The following ZNF445 variants were observed in gnomAD, a reference collection of about 807,000 sequenced individuals.
The protein encoded by ZNF445 is zinc finger protein 168.
In ZNF445, 19 loss-of-function variants were observed where a neutral mutation model predicts 93.9. The ratio of observed to expected loss-of-function variants is 0.20; its 90% CI spans 0.14 to 0.30. The LOEUF is 0.30. ZNF445 is among the 10% of genes least tolerant of loss of function. The pLI is 1.00. For synonymous variants in ZNF445, 449 were observed against 446.3 expected (o/e 1.01, Z -0.08); for missense variants, 1,058 against 1,259.4 (o/e 0.84, Z 2.42).
rs1697561239 is a variant in ZNF445, at chr3:44,432,052, C to T, written c.*14523G>A. ...CTGGGATTACAGGCATGAGCCACTG[C>T]ACGTGGCTACATGTTTTGTATTTTT... On this transcript the variant is annotated 3_prime_UTR_variant, in exon 8 of 8. Transcript: ENST00000396077. 1 of 152,122 alleles carries T rather than the reference C, an allele frequency of 6.6e-6. No homozygotes were observed. The highest frequency in any genetic ancestry group is 1.5e-5 in the Non-Finnish European group (1 of 68,042). The allele number at this position is 152,122 out of a possible 1,614,324, so 9.4% of individuals were successfully genotyped here. A position where few individuals can be genotyped will look rare whatever the true frequency, so the allele number is the denominator to read the frequency against.
intron 1 of ZNF445, among the ~76,000 whole-genome samples, chr3:44,466,649 A>C (rs945810432): frequency 1.3e-5 from 2 of 152,110 alleles, no homozygotes; most frequent in African/African-American, 4.8e-5. Flanking sequence ...CAATTGTCTC[A>C]TTTTGGTCCT....
chr3:44,441,802 T>C lies in ZNF445; in HGVS notation c.*4773A>G, dbSNP rs144130499. ...GAAGGCCCCATGTACCCTCCCCAAATCCATCAGGTCTCCTGCCTTAGGAAG... is the reference window on the plus strand; with the variant it reads ...GAAGGCCCCATGTACCCTCCCCAAACCCATCAGGTCTCCTGCCTTAGGAAG... On this transcript the variant is annotated 3_prime_UTR_variant, in exon 8 of 8. Coordinates refer to ENST00000396077, the MANE Select transcript of ZNF445 (RefSeq NM_181489.6). The C allele has an allele frequency of 3.9e-5, 6 of 152,228 alleles. No homozygotes were observed. Among genetic ancestry groups the C allele is most frequent in the African/African-American group, 1.4e-4 (6 of 41,540 alleles). 9.4% of individuals were successfully genotyped at this position (152,228 alleles called of 1,614,324 possible).
rs776877909 is a variant in ZNF445, at chr3:44,476,209, C to T, written c.-269+1382G>A. On this transcript the variant is annotated intron_variant, in intron 1 of 7. Coordinates refer to ENST00000396077, the MANE Select transcript of ZNF445 (RefSeq NM_181489.6). ...TTTACTATAGTTTACTCTCTGACAT[C>T]GTAGACTGCTTATGCACTAATTCTT... Among the ~76,000 whole-genome samples the T allele has an allele frequency of 9.2e-5, 14 of 152,222 alleles. 1 individual carries two copies. In the South Asian group the frequency reaches 1.9e-3, roughly 20 times the overall value.
rs934807469 is a variant in ZNF445, at chr3:44,435,311, A to G, written c.*11264T>C. 21 of 152,108 alleles carry G rather than the reference A, an allele frequency of 1.4e-4. No individual in the cohort carries two copies. Among genetic ancestry groups the G allele is most frequent in the African/African-American group, 5.1e-4 (21 of 41,414 alleles). The allele number at this position is 152,108 out of a possible 1,614,324, so 9.4% of individuals were successfully genotyped here. ...AATTCTTCTCTCTTTTGCAAAACCC[A>G]TGTCACAGTGATTGATTTACTGTGT... On this transcript the variant is annotated 3_prime_UTR_variant, in exon 8 of 8. Transcript: ENST00000396077.
At chr3:44,450,390 C>T (rs1261906786) in intron 6 of ZNF445, 57 bp downstream of exon 6, 3 of 1,611,780 alleles carry the variant, frequency 1.9e-6, no homozygotes, top group Non-Finnish European at 2.5e-6. Context: ...CAGCACAGAA[C>T]AACCCAAGAA....
rs1697850797 is a variant in ZNF445 at position 44,444,233 on chromosome 3, TA to T, written c.*2341del. The T allele has an allele frequency of 6.6e-6, 1 of 152,246 alleles. No individual in the cohort carries two copies. The highest frequency in any genetic ancestry group is 1.5e-5 in the Non-Finnish European group (1 of 68,078). The allele number at this position is 152,246 out of a possible 1,614,324, so 9.4% of individuals were successfully genotyped here. ...AGCAGAGATGGGGGGAAAGGGGTGC[TA>T]AAAGTTTGATTGGAAAGGGACTTTT... On this transcript the variant is annotated 3_prime_UTR_variant, in exon 8 of 8. Transcript: ENST00000396077.
chr3:44,469,043 A>G (rs931816390), intron 1 of ZNF445, among the ~76,000 whole-genome samples: 223 of 151,836 alleles, frequency 1.5e-3, no homozygotes, highest in Non-Finnish European at 1.5e-3. Flanking sequence ...CTGTCTCAAA[A>G]AAAAAAAAAA....
In ZNF445 at chr3:44,455,385, G is replaced by A. The variant is rs138261394; in HGVS notation, c.165C>T (p.Arg55=). The A allele has an allele frequency of 6.2e-7, 1 of 1,614,196 alleles. No homozygotes were observed. Among genetic ancestry groups the A allele is most frequent in the South Asian group, 1.1e-5 (1 of 91,088 alleles). Reference sequence around the variant, plus strand: ...GGTAGCGAAGCTGTCTGAAGAGCTGGCGGAACAGCTCCTGGCCAGGGCGGT... The same window carrying A: ...GGTAGCGAAGCTGTCTGAAGAGCTGACGGAACAGCTCCTGGCCAGGGCGGT... ...TLNRPGQELF[R]QLFRQLRYHE... Residue 55 remains arginine (R), a synonymous_variant, in exon 3 of 8, where the codon CGC becomes CGT. Transcript: ENST00000396077.
chr3:44,432,543 T>C lies in ZNF445; in HGVS notation c.*14032A>G, dbSNP rs1697579646. On this transcript the variant is annotated 3_prime_UTR_variant, in exon 8 of 8. Coordinates refer to ENST00000396077, the MANE Select transcript of ZNF445 (RefSeq NM_181489.6). ...ATTCTCTCTTGCCTGAGAGAGAGTC[T>C]GGGGCAGCCAGACTTTATGTTCTCC... The C allele has an allele frequency of 6.6e-6, 1 of 151,592 alleles. No homozygotes were observed. Among genetic ancestry groups the C allele is most frequent in the African/African-American group, 2.4e-5 (1 of 41,220 alleles). 9.4% of individuals were successfully genotyped at this position (151,592 alleles called of 1,614,324 possible).
At position 44,448,363 on chromosome 3, in the gene ZNF445, C is replaced by T. The variant is rs1204032087; in HGVS notation, c.1308G>A (p.Gly436=). The T allele has an allele frequency of 6.2e-7, 1 of 1,614,198 alleles. No individual in the cohort carries two copies. Among genetic ancestry groups the T allele is most frequent in the African/African-American group, 1.3e-5 (1 of 75,034 alleles). Residue 436 remains glycine (G), a synonymous_variant, in exon 8 of 8, where the codon GGG becomes GGA. Coordinates refer to ENST00000396077, the MANE Select transcript of ZNF445 (RefSeq NM_181489.6). The part of the protein sequence containing the change: ...HHYDYKKYGK[G]LRHMIGGFSL... ...TGAAGCCCCCAATCATGTGTCTGAG[C>T]CCCTTCCCATATTTCTTGTAGTCAT...
In ZNF445 at chr3:44,446,376, G is replaced by T; in HGVS notation, c.*199C>A. On this transcript the variant is annotated 3_prime_UTR_variant, in exon 8 of 8. Transcript: ENST00000396077. The surrounding 1 kb of genome is among the most constrained non-coding windows in gnomAD (Gnocchi z 4.2). ...CTCCAGAAGGGCTCCAAAGGACATG[G>T]TGCTGCACTTCCCCAGCGTCACATC... 1.4e-6 allele frequency: 1 copy of T among 710,282 alleles called. No homozygotes were observed. The highest frequency in any genetic ancestry group is 2.3e-6 in the Non-Finnish European group (1 of 442,014). The allele number at this position is 710,282 out of a possible 1,614,324, so 44.0% of individuals were successfully genotyped here.
rs1223125868 is a variant in ZNF445, at chr3:44,437,280, C to A, written c.*9295G>T. 8 of 152,164 alleles carry A rather than the reference C, an allele frequency of 5.3e-5. No individual in the cohort carries two copies. Among genetic ancestry groups the A allele is most frequent in the Admixed American group, 1.3e-4 (2 of 15,274 alleles). 9.4% of individuals were successfully genotyped at this position (152,164 alleles called of 1,614,324 possible). A position where few individuals can be genotyped will look rare whatever the true frequency, so the allele number is the denominator to read the frequency against. ...GTTTTAGCTGGCTTCTTTACTGCAA[C>A]CTGCTTTATCAGCAAGGTCTTTGTG... is the stretch of plus-strand genomic sequence containing the variant. On this transcript the variant is annotated 3_prime_UTR_variant, in exon 8 of 8. Transcript: ENST00000396077.
chr3:44,437,392 TCA>T lies in ZNF445; in HGVS notation c.*9181_*9182del, dbSNP rs903414200. The T allele has an allele frequency of 6.1e-4, 93 of 152,246 alleles. No homozygotes were observed. Among genetic ancestry groups the T allele is most frequent in the African/African-American group, 2.1e-3 (88 of 41,528 alleles). 9.4% of individuals were successfully genotyped at this position (152,246 alleles called of 1,614,324 possible). ...GAATGCAGCCCAGTAGGTCTCAGCC[TCA>T]TTTTGTTACAGGAAAGGGGTCCCGA... On this transcript the variant is annotated 3_prime_UTR_variant, in exon 8 of 8. Coordinates refer to ENST00000396077, the MANE Select transcript of ZNF445 (RefSeq NM_181489.6).
At chr3:44,452,982 C>T (rs1016558035) in intron 3 of ZNF445, among the ~76,000 whole-genome samples, 3 of 148,190 alleles carry the variant, frequency 2.0e-5, no homozygotes, top group African/African-American at 7.5e-5. Flanking sequence ...GGCGTGATCT[C>T]GGCTCACTGA....
rs148056387 is a variant in ZNF445, at chr3:44,440,913, AT to A, written c.*5661del. The A allele has an allele frequency of 0.029, 3,854 of 131,256 alleles. 87 individuals carry two copies. The highest frequency in any genetic ancestry group is 0.096 in the African/African-American group (3,393 of 35,478). The allele number at this position is 131,256 out of a possible 1,614,324, so 8.1% of individuals were successfully genotyped here. The stretch of plus-strand genomic sequence containing the variant: ...TGTTACTTCCTGATGTTGCCATGGC[AT>A]TTTTTTTTTTTTTTTTTGAGACAGA... On this transcript the variant is annotated 3_prime_UTR_variant, in exon 8 of 8. Coordinates refer to ENST00000396077, the MANE Select transcript of ZNF445 (RefSeq NM_181489.6).
At chr3:44,455,728 A>G (rs1698019815) in intron 2 of ZNF445, 32 bp from the exon 3 acceptor site, 2 of 603,794 alleles carry the variant, frequency 3.3e-6, no homozygotes, top group Admixed American at 3.4e-5. Context: ...AATAATGTCC[A>G]TTATACATGG....
chr3:44,476,756 T>C (rs2125687767), intron 1 of ZNF445, among the ~76,000 whole-genome samples: 1 of 152,336 alleles, frequency 6.6e-6, no homozygotes, highest in South Asian at 2.1e-4. Flanking sequence ...CTGCATTTTA[T>C]ATACTAGTTA....
intron 3 of ZNF445, among the ~76,000 whole-genome samples, chr3:44,452,699 G>T (rs1697972892): frequency 1.3e-5 from 2 of 151,934 alleles, no homozygotes; most frequent in Non-Finnish European, 2.9e-5. Flanking sequence ...TTATTATCAG[G>T]TCCTTTTGAA....
intron 2 of ZNF445, among the ~76,000 whole-genome samples, chr3:44,456,213 C>T (rs550458837): frequency 6.6e-6 from 1 of 152,130 alleles, no homozygotes; most frequent in East Asian, 1.9e-4. Context: ...CTCAGGAGTT[C>T]GAGACCAGCC....
Sources: gnomAD v4.1 joint callset for allele counts (sites outside exome capture counted in the v4.1 genomes callset) on GRCh38, gnomAD v4.1.1 for gene constraint, Gnocchi (gnomAD v3.1) non-coding constraint, MANE v1.5 for transcripts, NCBI Gene and HGNC (gene_info 2026-07-23, HGNC 2026-07-21) for gene names.